ZNF516: variants seen among roughly 807,000 people sequenced by gnomAD.
ZNF516 encodes zinc finger protein 516.
In ZNF516, 19 loss-of-function variants were observed where a neutral mutation model predicts 79.7. The observed-to-expected ratio is 0.24, with a 90% confidence interval of 0.17 to 0.35. The LOEUF (loss-of-function observed/expected upper bound fraction) is 0.35. Among genes scored for constraint, ZNF516 ranks in the 10% least tolerant of loss-of-function variants. The pLI is 1.00. For missense variants in ZNF516, 1,678 were observed against 1,679.5 expected, an observed-to-expected ratio of 1.00 and a Z score of 0.02; for synonymous variants, 877 against 739.5, an observed-to-expected ratio of 1.19 and a Z score of -3.02.
At chr18:76,364,710 G>C (rs908709011) in intron 6 of ZNF516, among the ~76,000 whole-genome samples, 1 of 152,166 alleles carries the variant, frequency 6.6e-6, no homozygotes, top group Non-Finnish European at 1.5e-5. Flanking sequence ...CAGGACACAC[G>C]GGGCACCTCT....
In ZNF516 at chr18:76,484,371, C is replaced by T. The variant is rs961895633; in HGVS notation, c.-272+10773G>A. Among the ~76,000 whole-genome samples the T allele has an allele frequency of 8.5e-5, 13 of 152,154 alleles. No individual in the cohort carries two copies. In the East Asian group the frequency reaches 2.5e-3, roughly 29 times the overall value. On this transcript the variant is annotated intron_variant, in intron 1 of 6. Coordinates refer to ENST00000443185, the MANE Select transcript of ZNF516 (RefSeq NM_014643.4). The stretch of plus-strand genomic sequence containing the variant: ...TAACCTTCTAAAACAAGCCCAAATA[C>T]AAATAATGTAAGTTTACAAAGAAAC...
At chr18:76,455,635 A>C (rs1216359776) in intron 2 of ZNF516, among the ~76,000 whole-genome samples, 1 of 152,176 alleles carries the variant, frequency 6.6e-6, no homozygotes, top group African/African-American at 2.4e-5. Flanking sequence ...GATTCAAGAA[A>C]ATTACATTCA....
intron 3 of ZNF516, among the ~76,000 whole-genome samples, chr18:76,397,283 C>T (rs2145188983): frequency 6.6e-6 from 1 of 152,270 alleles, no homozygotes; most frequent in South Asian, 2.1e-4. Context: ...AATCGTCCAG[C>T]TCAGTCCTAT....
At chr18:76,491,361 CCT>C (rs1303877924) in intron 1 of ZNF516, among the ~76,000 whole-genome samples, 340 of 135,526 alleles carry the variant, frequency 2.5e-3, no homozygotes, top group Non-Finnish European at 4.7e-3. Context: ...CCCGCAGCCC[CCT>C]CTCTCCTCCT....
chr18:76,444,226 T>C (rs1911905724), intron 2 of ZNF516, among the ~76,000 whole-genome samples: 1 of 152,312 alleles, frequency 6.6e-6, no homozygotes, highest in Admixed American at 6.5e-5. Context: ...GGTCAGCGTC[T>C]GAGTGTTCAA....
chr18:76,480,488 T>TACATAC (rs781398670), intron 1 of ZNF516, among the ~76,000 whole-genome samples: 3,648 of 138,432 alleles, frequency 0.026, 75 homozygotes, highest in South Asian at 0.063. Context: ...CACACACATA[T>TACATAC]ACACATACAC....
intron 2 of ZNF516, among the ~76,000 whole-genome samples, chr18:76,447,433 G>A (rs1019522673): frequency 4.6e-5 from 7 of 152,160 alleles, no homozygotes; most frequent in Admixed American, 6.5e-5. Flanking sequence ...AGTTCCAGCC[G>A]CAGACATTTC....
In ZNF516 at chr18:76,443,081, G is replaced by A. The variant is rs367694977; in HGVS notation, c.-27C>T. ...CGAAGGACGGGCGCGGCCGGTGGTG[G>A]CGGCACAGCTTTCTGTCGCGCGGGC... On this transcript the variant is annotated 5_prime_UTR_variant, in exon 3 of 7. Coordinates refer to ENST00000443185, the MANE Select transcript of ZNF516 (RefSeq NM_014643.4). The A allele has an allele frequency of 3.0e-5, 47 of 1,553,986 alleles. No individual in the cohort carries two copies. Among genetic ancestry groups the A allele is most frequent in the Non-Finnish European group, 3.9e-5 (45 of 1,157,248 alleles).
chr18:76,381,117 T>C (rs879025833), intron 3 of ZNF516, among the ~76,000 whole-genome samples: 1 of 152,060 alleles, frequency 6.6e-6, no homozygotes, highest in East Asian at 1.9e-4. Flanking sequence ...GATGGTGTGG[T>C]CAGAACCCTC....
intron 3 of ZNF516, among the ~76,000 whole-genome samples, chr18:76,422,616 T>C (rs1453732967): frequency 1.3e-5 from 2 of 151,874 alleles, no homozygotes; most frequent in African/African-American, 4.8e-5. Context: ...AGAAAGGGGT[T>C]ATGAAGCAGA....
At chr18:76,488,070 T>C (rs1001049583) in intron 1 of ZNF516, 1 of 985,084 alleles carries the variant, frequency 1.0e-6, no homozygotes, top group Non-Finnish European at 1.2e-6. Context: ...TCCATCTGCC[T>C]CCGAGAACCT....
chr18:76,405,797 G>A (rs2145257425), intron 3 of ZNF516, among the ~76,000 whole-genome samples: 1 of 152,148 alleles, frequency 6.6e-6, no homozygotes, highest in Non-Finnish European at 1.5e-5. Flanking sequence ...CACTCAGCCT[G>A]ATGACGGCTG....
At chr18:76,364,022 T>A (rs867796992) in intron 6 of ZNF516, among the ~76,000 whole-genome samples, 2 of 152,194 alleles carry the variant, frequency 1.3e-5, no homozygotes, top group South Asian at 4.1e-4. Context: ...CAGACTTGCA[T>A]TGGGTTAGGC....
rs1342744337 is a variant in ZNF516 at position 76,442,887 on chromosome 18, G to A, written c.168C>T (p.His56=). Residue 56 remains histidine, a synonymous_variant, in exon 3 of 7, where the codon CAC becomes CAT. Coordinates refer to ENST00000443185, the MANE Select transcript of ZNF516 (RefSeq NM_014643.4). ...GACACTTGTAGGGCTTCTCGCCCGT[G>A]TGCTTGCGCATGTGCTGCGAAAGCG... is the stretch of plus-strand genomic sequence containing the variant. ...QSSLSQHMRK[H]TGEKPYKCPY... 1.4e-5 allele frequency: 22 copies of A among 1,613,820 alleles called. No individual in the cohort carries two copies. Among genetic ancestry groups the A allele is most frequent in the Non-Finnish European group, 1.8e-5 (21 of 1,179,844 alleles).
chr18:76,441,432 G>C lies in ZNF516; in HGVS notation c.1623C>G (p.Arg541=), dbSNP rs1325303111. The part of the protein sequence containing the change: ...VLHSRVHRRA[R]RERDSDGDRA... Reference sequence around the variant, plus strand: ...TGTCCCCGTCACTGTCCCTCTCGCGGCGCGCGCGGCGATGCACGCGTGAGT... The same window carrying C: ...TGTCCCCGTCACTGTCCCTCTCGCGCCGCGCGCGGCGATGCACGCGTGAGT... Residue 541 remains arginine (R), a synonymous_variant, in exon 3 of 7, where the codon CGC becomes CGG. Coordinates refer to ENST00000443185, the MANE Select transcript of ZNF516 (RefSeq NM_014643.4). The C allele has an allele frequency of 1.2e-6, 2 of 1,607,056 alleles. No homozygotes were observed. The highest frequency in any genetic ancestry group is 1.7e-6 in the Non-Finnish European group (2 of 1,177,992).
chr18:76,374,143 T>C (rs908644496), intron 4 of ZNF516, among the ~76,000 whole-genome samples: 1 of 152,220 alleles, frequency 6.6e-6, no homozygotes, highest in African/African-American at 2.4e-5. Context: ...ATCACCACAA[T>C]ATGAAGGCCT....
intron 1 of ZNF516, among the ~76,000 whole-genome samples, chr18:76,473,377 A>C (rs1016018920): frequency 5.4e-5 from 8 of 149,386 alleles, no homozygotes; most frequent in Non-Finnish European, 3.0e-5. Flanking sequence ...AAAAAAAAAA[A>C]AACACCTATG....
At position 76,366,188 on chromosome 18, in the gene ZNF516, T is replaced by C. The variant is rs193160393; in HGVS notation, c.3433-3631A>G. ...TAATTATTTATTCCTGATTCTAACC[T>C]ATGGTGAATTTAATCAATTTCAGCA... On this transcript the variant is annotated intron_variant, in intron 6 of 6. Transcript: ENST00000443185. 2.5e-4 allele frequency among the ~76,000 whole-genome samples: 38 copies of C among 152,356 alleles called. No individual in the cohort carries two copies. In the East Asian group the frequency reaches 7.3e-3, roughly 29 times the overall value.
chr18:76,496,363 C>G (rs1298260088), upstream of ZNF516: 1 of 1,289,540 alleles, frequency 7.8e-7, no homozygotes, highest in African/African-American at 1.5e-5. Flanking sequence ...CGTGGCTCCG[C>G]GTAGCAATCA....
Sources: gnomAD v4.1 joint callset for allele counts (sites outside exome capture counted in the v4.1 genomes callset) on GRCh38, gnomAD v4.1.1 for gene constraint, MANE v1.5 for transcripts, NCBI Gene and HGNC (gene_info 2026-07-23, HGNC 2026-07-21) for gene names.